CCDC171: variants seen among roughly 807,000 people sequenced by gnomAD.
CCDC171 encodes coiled-coil domain containing 171.
A neutral mutation model predicts 168.2 loss-of-function variants in CCDC171; 177 were observed. The observed-to-expected ratio is 1.05, with a 90% CI of 0.93 to 1.19. CCDC171 has a LOEUF of 1.19. Ranked by LOEUF, CCDC171 falls within the 50% of genes most tolerant of loss-of-function variation. The pLI is 0.00. For synonymous variants in CCDC171, 687 were observed against 540.8 expected, an observed-to-expected ratio of 1.27 and a Z score of -3.75; for missense variants, 1,991 against 1,539.0, an observed-to-expected ratio of 1.29 and a Z score of -4.91.
chr9:15,765,188 C>T (rs950538817), intron 18 of CCDC171, among the ~76,000 whole-genome samples: 8 of 151,996 alleles, frequency 5.3e-5, no homozygotes, highest in Admixed American at 2.0e-4. Flanking sequence ...AGACAAAGTC[C>T]GACTGCAGTC....
intron 18 of CCDC171, among the ~76,000 whole-genome samples, chr9:15,775,362 T>G: frequency 6.6e-6 from 1 of 152,316 alleles, no homozygotes; most frequent in African/African-American, 2.4e-5. Context: ...ATTTGTTTGT[T>G]TATTTATTTA....
intron 1 of CCDC171, among the ~76,000 whole-genome samples, chr9:16,060,468 C>A (rs1280295095): frequency 6.6e-6 from 1 of 152,246 alleles, no homozygotes; most frequent in Non-Finnish European, 1.5e-5. Flanking sequence ...CAGGCTGGGC[C>A]TCAGCCCGCT....
At chr9:15,944,787 T>C (rs1041291340) in intron 25 of CCDC171, among the ~76,000 whole-genome samples, 1 of 152,016 alleles carries the variant, frequency 6.6e-6, no homozygotes, top group Non-Finnish European at 1.5e-5. Context: ...AGTAACTCCT[T>C]TATTCTAGGC....
At chr9:15,642,944 T>G (rs960556005) in intron 7 of CCDC171, among the ~76,000 whole-genome samples, 2 of 152,204 alleles carry the variant, frequency 1.3e-5, no homozygotes, top group Non-Finnish European at 1.5e-5. Context: ...TATTCTGCAT[T>G]TAACAAAATA....
chr9:16,095,197 A>T, the CCDC171 span, among the ~76,000 whole-genome samples: 2 of 152,174 alleles, frequency 1.3e-5, no homozygotes, highest in Admixed American at 6.5e-5. Flanking sequence ...ATGGGATCCC[A>T]GTGCTAATGT....
At chr9:15,581,674 A>G (rs1436738240) in intron 4 of CCDC171, among the ~76,000 whole-genome samples, 2 of 152,130 alleles carry the variant, frequency 1.3e-5, no homozygotes, top group African/African-American at 4.8e-5. Context: ...AAAACAAGCA[A>G]TGGGGAAAGG....
At chr9:15,867,855 T>G (rs2061857032) in intron 23 of CCDC171, among the ~76,000 whole-genome samples, 1 of 152,212 alleles carries the variant, frequency 6.6e-6, no homozygotes, top group African/African-American at 2.4e-5. Flanking sequence ...GTATGGTTTT[T>G]TTGTTTGTTT....
intron 4 of CCDC171, among the ~76,000 whole-genome samples, chr9:15,589,722 A>G (rs192902968): frequency 3.3e-5 from 5 of 152,328 alleles, no homozygotes; most frequent in African/African-American, 1.2e-4. Flanking sequence ...TTAACAAATT[A>G]AAAATATGAA....
chr9:15,829,046 C>T (rs1386564788), intron 21 of CCDC171, among the ~76,000 whole-genome samples: 3 of 152,196 alleles, frequency 2.0e-5, no homozygotes, highest in Non-Finnish European at 4.4e-5. Flanking sequence ...TGAGTGTTTA[C>T]TATATGTTTG....
At chr9:15,556,157 T>C (rs1160081523) in intron 1 of CCDC171, among the ~76,000 whole-genome samples, 3 of 152,190 alleles carry the variant, frequency 2.0e-5, no homozygotes, top group African/African-American at 7.2e-5. Context: ...TGTGCATGTG[T>C]CTTTATAGCA....
At chr9:15,896,696 G>T (rs551821463) in intron 24 of CCDC171, among the ~76,000 whole-genome samples, 1 of 151,952 alleles carries the variant, frequency 6.6e-6, no homozygotes, top group Non-Finnish European at 1.5e-5. Flanking sequence ...TCACTAAAAA[G>T]CCCTTCAGTA....
At chr9:15,622,015 C>G (rs1475050124) in intron 6 of CCDC171, among the ~76,000 whole-genome samples, 1 of 152,126 alleles carries the variant, frequency 6.6e-6, no homozygotes, top group Non-Finnish European at 1.5e-5. Flanking sequence ...TTATCTTTAG[C>G]AAACTAACAC....
In CCDC171 at chr9:15,631,285, A is replaced by T. The variant is rs1323396739; in HGVS notation, c.822+7872A>T. On this transcript the variant is annotated intron_variant, in intron 7 of 25. Coordinates refer to ENST00000380701, the MANE Select transcript of CCDC171 (RefSeq NM_173550.4). ...TTGATAGACAGCTAGCAAGACTAAT[A>T]AAGAAGAAAAGAGAGAAGAATCAAA... is the stretch of plus-strand genomic sequence containing the variant. Among the ~76,000 whole-genome samples, 22 of 152,150 alleles carry T rather than the reference A, an allele frequency of 1.4e-4. No individual in the cohort carries two copies. The East Asian group carries it at 4.2e-3, about 29-fold the overall frequency.
chr9:16,075,402 A>T, the CCDC171 span, among the ~76,000 whole-genome samples: 71,910 of 152,050 alleles, frequency 0.47, 19,166 homozygotes, highest in African/African-American at 0.74. Context: ...CTGAATATAT[A>T]TATTATGCTT....
intron 9 of CCDC171, among the ~76,000 whole-genome samples, chr9:15,671,063 G>T (rs923910435): frequency 6.6e-6 from 1 of 152,164 alleles, no homozygotes; most frequent in Admixed American, 6.5e-5. Flanking sequence ...CTGTACTTCA[G>T]TGTGGGCGAC....
rs368922596 is a variant in CCDC171, at chr9:15,728,048, C to T, written c.1860+12C>T. 1.9e-6 allele frequency: 3 copies of T among 1,600,780 alleles called. No homozygotes were observed. The highest frequency in any genetic ancestry group is 2.7e-5 in the African/African-American group (2 of 74,532). ...GGGCTAATGAGAAGGTAACTGTCCTCAGGCACCAGATACCTCTATTAAATT... is the reference window on the plus strand; with the variant it reads ...GGGCTAATGAGAAGGTAACTGTCCTTAGGCACCAGATACCTCTATTAAATT... On this transcript the variant is annotated intron_variant, in intron 15 of 25. Transcript: ENST00000380701.
chr9:15,828,321 A>G (rs2060097584), intron 21 of CCDC171, among the ~76,000 whole-genome samples: 1 of 96,882 alleles, frequency 1.0e-5, no homozygotes. Flanking sequence ...AGGAGGTAAA[A>G]GAGAAGATAC....
chr9:15,952,351 T>C (rs1486092186), intron 25 of CCDC171, among the ~76,000 whole-genome samples: 3 of 152,172 alleles, frequency 2.0e-5, no homozygotes, highest in Non-Finnish European at 2.9e-5. Flanking sequence ...CAATCTTGTT[T>C]TGGGTATTTC....
intron 6 of CCDC171, among the ~76,000 whole-genome samples, chr9:16,032,579 C>T (rs546412497): frequency 6.6e-6 from 1 of 152,294 alleles, no homozygotes; most frequent in South Asian, 2.1e-4. Flanking sequence ...GACCGAGACA[C>T]ATTGCAAAGC....
Sources: gnomAD v4.1 joint callset for allele counts (sites outside exome capture counted in the v4.1 genomes callset) on GRCh38, gnomAD v4.1.1 for gene constraint, MANE v1.5 for transcripts, NCBI Gene and HGNC (gene_info 2026-07-23, HGNC 2026-07-21) for gene names.